The following TCOF1 variants were observed in gnomAD, a reference collection of about 807,000 sequenced individuals.
TCOF1 encodes the protein treacle ribosome biogenesis factor 1.
Under a neutral mutation model 149.0 loss-of-function variants are expected in TCOF1, and 33 were observed. That is an observed-to-expected ratio of 0.22 (90% confidence interval 0.17 to 0.30). The LOEUF is 0.30. Ranked by LOEUF, TCOF1 falls within the 10% of genes least tolerant of loss-of-function variation. TCOF1 has a pLI of 1.00. For missense variants in TCOF1, 1,728 were observed against 1,840.7 expected (o/e 0.94, Z 1.12); for synonymous variants, 789 against 738.8 (o/e 1.07, Z -1.10).
rs773205979 is a variant in TCOF1, at chr5:150,396,583, C to CAAG, written c.4099_4101dup (p.Lys1367dup). 3.2e-6 allele frequency: 5 copies of CAAG among 1,580,726 alleles called. No individual in the cohort carries two copies. The highest frequency in any genetic ancestry group is 4.3e-6 in the Non-Finnish European group (5 of 1,162,996). On this transcript the variant is annotated inframe_insertion, in exon 24 of 27. Transcript: ENST00000643257. Reference sequence around the variant, plus strand: ...AGCCAGCTGCCAGGACCCCCAGGAGCAAGAAGAAGAAGAAGCTGGGGGCCG... The same window carrying CAAG: ...AGCCAGCTGCCAGGACCCCCAGGAGCAAGAAGAAGAAGAAGAAGCTGGGGGCCG...
chr5:150,372,695 A>C (rs1163329606), intron 7 of TCOF1, among the ~76,000 whole-genome samples: 1 of 150,116 alleles, frequency 6.7e-6, no homozygotes, highest in Non-Finnish European at 1.5e-5. Context: ...AAGGAGGAAG[A>C]GTGAGGGTCA....
Position 150,374,813 on chromosome 5 carries a change from T to C in TCOF1, c.1278+2T>C. On this transcript the variant is annotated splice_donor_variant, in intron 9 of 26. Transcript: ENST00000643257. LOFTEE classifies it high-confidence loss of function. ...AGTGAGGAGGAGGCGCCTGCTCAGG[T>C]GAGGCAGAGGGGAGGGGTGGAGAGT... 1 of 1,606,466 alleles carries C rather than the reference T, an allele frequency of 6.2e-7. No individual in the cohort carries two copies. The highest frequency in any genetic ancestry group is 8.5e-7 in the Non-Finnish European group (1 of 1,176,714).
At position 150,374,773 on chromosome 5, in the gene TCOF1, A is replaced by G. The variant is rs150608282; in HGVS notation, c.1240A>G (p.Ser414Gly). The G allele has an allele frequency of 3.1e-6, 5 of 1,613,062 alleles. No homozygotes were observed. The African/African-American group carries it at 5.3e-5, about 17-fold the overall frequency. ...GCGGGAGGAGGACTCGCAGAGCAGC[A>G]GCGAGGAATCGGACAGTGAGGAGGA... ...GKREEDSQSSSEESDSEEEAP... is the reference protein window; with the variant it reads ...GKREEDSQSSGEESDSEEEAP... The change falls in exon 9 of 27, where the codon AGC (serine) becomes GGC (glycine). Residue 414 changes from serine to glycine, a missense_variant. This residue lies in a region of TCOF1 where 1,696 missense variants were observed against 1,765.4 expected (regional missense o/e 0.96). Coordinates refer to ENST00000643257, the MANE Select transcript of TCOF1 (RefSeq NM_001371623.1).
intron 23 of TCOF1, chr5:150,393,813 A>G (rs149461163): frequency 4.6e-5 from 23 of 504,812 alleles, no homozygotes; most frequent in Middle Eastern, 5.8e-4. Context: ...CAGGAGTTCA[A>G]GGCCAGCCTG....
intron 18 of TCOF1, 41 bp from the exon 19 acceptor site, chr5:150,389,846 G>T: frequency 6.2e-7 from 1 of 1,614,096 alleles, no homozygotes; most frequent in Non-Finnish European, 8.5e-7. Flanking sequence ...AGGCGATGGG[G>T]CTTTTGTGCC....
At chr5:150,359,739 T>A (rs1042574042) in intron 1 of TCOF1, among the ~76,000 whole-genome samples, 1 of 152,226 alleles carries the variant, frequency 6.6e-6, no homozygotes, top group South Asian at 2.1e-4. Flanking sequence ...CCTGCCGTCA[T>A]GGAGCACACA....
At chr5:150,377,383 A>G (rs925048007) in intron 14 of TCOF1, among the ~76,000 whole-genome samples, 1 of 152,188 alleles carries the variant, frequency 6.6e-6, no homozygotes, top group African/African-American at 2.4e-5. Context: ...GCACACAGCA[A>G]GTTGTCTCTG....
intron 17 of TCOF1, 109 bp downstream of exon 17, chr5:150,379,841 G>A (rs1471256475): frequency 3.9e-5 from 54 of 1,367,092 alleles, no homozygotes; most frequent in Admixed American, 7.9e-5. Context: ...GGAGGCCGAG[G>A]CAGATGTATC....
In TCOF1 at chr5:150,374,708, G is replaced by A. The variant is rs764508712; in HGVS notation, c.1175G>A (p.Gly392Glu). 6.2e-7 allele frequency: 1 copy of A among 1,613,496 alleles called. No individual in the cohort carries two copies. The highest frequency in any genetic ancestry group is 8.5e-7 in the Non-Finnish European group (1 of 1,179,866). The change falls in exon 9 of 27, where the codon GGG (glycine) becomes GAG (glutamate). Residue 392 changes from glycine to glutamate, a missense_variant. By Grantham distance (98) the Gly-to-Glu change is moderately conservative. Transcript: ENST00000643257. ...AAAGGAGCTGCCCCAGCGCCCCCTGGGAAGACAGGGCCTGCAGTTGCCAAG... is the reference window on the plus strand; with the variant it reads ...AAAGGAGCTGCCCCAGCGCCCCCTGAGAAGACAGGGCCTGCAGTTGCCAAG... ...PRKGAAPAPP[G>E]KTGPAVAKAQ... is the part of the protein sequence containing the mutation.
chr5:150,390,669 T>G (rs1767232751), intron 19 of TCOF1, among the ~76,000 whole-genome samples: 2 of 145,272 alleles, frequency 1.4e-5, no homozygotes. Context: ...GCTAAGGGGG[T>G]GTTGGGGGGC....
intron 17 of TCOF1, among the ~76,000 whole-genome samples, chr5:150,381,816 T>C (rs1386217678): frequency 6.6e-6 from 1 of 152,212 alleles, no homozygotes; most frequent in Non-Finnish European, 1.5e-5. Context: ...CTGGTTCCTT[T>C]AGCTGAGCGT....
intron 19 of TCOF1, among the ~76,000 whole-genome samples, chr5:150,390,461 C>T (rs1311437053): frequency 6.6e-6 from 1 of 152,152 alleles, no homozygotes; most frequent in Non-Finnish European, 1.5e-5. Context: ...GGGTTAATGG[C>T]TGGTGCATTG....
chr5:150,395,183 C>G (rs1006152708), intron 23 of TCOF1, among the ~76,000 whole-genome samples: 1 of 152,250 alleles, frequency 6.6e-6, no homozygotes, highest in African/African-American at 2.4e-5. Flanking sequence ...AGGGGCCAAG[C>G]TCACTGCATG....
intron 17 of TCOF1, among the ~76,000 whole-genome samples, chr5:150,382,191 C>T (rs1212916179): frequency 6.6e-6 from 1 of 152,004 alleles, no homozygotes; most frequent in Middle Eastern, 3.2e-3. Context: ...AGGGGGTAGA[C>T]TTAAGGCTAC....
chr5:150,388,317 G>T (rs1481052416), intron 18 of TCOF1, among the ~76,000 whole-genome samples: 2 of 152,202 alleles, frequency 1.3e-5, no homozygotes, highest in Non-Finnish European at 2.9e-5. Context: ...CAGTCATGGA[G>T]CCCAGACCAG....
chr5:150,373,972 C>T (rs1011199226), intron 7 of TCOF1, among the ~76,000 whole-genome samples: 1 of 152,036 alleles, frequency 6.6e-6, no homozygotes, highest in African/African-American at 2.4e-5. Flanking sequence ...CATGGAGGCT[C>T]CAGGAGTGAG....
chr5:150,384,283 C>G (rs1194096154), intron 17 of TCOF1: 1 of 989,352 alleles, frequency 1.0e-6, no homozygotes, highest in Non-Finnish European at 1.2e-6. Context: ...TCTCATTTTT[C>G]TGTTTAATCT....
Position 150,360,005 on chromosome 5 carries a change from G to A in TCOF1, c.109-1151G>A, listed in dbSNP as rs184813805. 2.1e-3 allele frequency among the ~76,000 whole-genome samples: 319 copies of A among 152,256 alleles called. 5 individuals carry two copies. In the South Asian group the frequency reaches 0.03, roughly 14 times the overall value. On this transcript the variant is annotated intron_variant, in intron 1 of 26. Coordinates refer to ENST00000643257, the MANE Select transcript of TCOF1 (RefSeq NM_001371623.1). ...TCCAGACAAGAAGAATAGCAAGGCCGCGTTAGAGGCAGGGTGGCCTGACAC... is the reference window on the plus strand; with the variant it reads ...TCCAGACAAGAAGAATAGCAAGGCCACGTTAGAGGCAGGGTGGCCTGACAC...
chr5:150,376,643 C>A, intron 14 of TCOF1, 23 bp downstream of exon 14: 1 of 1,550,812 alleles, frequency 6.4e-7, no homozygotes, highest in Non-Finnish European at 8.7e-7. Flanking sequence ...AGGAGCAGGC[C>A]CATCCCACCC....
Sources: gnomAD v4.1 joint callset for allele counts (sites outside exome capture counted in the v4.1 genomes callset) on GRCh38, gnomAD v4.1.1 for gene constraint, gnomAD v4.1.1 regional missense constraint, MANE v1.5 for transcripts, NCBI Gene and HGNC (gene_info 2026-07-23, HGNC 2026-07-21) for gene names.